Variants in ASPA observed in about 807,000 individuals in gnomAD.
ASPA encodes aspartoacylase.
A neutral mutation model predicts 29.6 loss-of-function variants in ASPA; 25 were observed. The ratio of observed to expected loss-of-function variants is 0.85; its 90% CI spans 0.62 to 1.18. The LOEUF is 1.18. Ranked by LOEUF, ASPA falls within the 50% of genes most tolerant of loss-of-function variation. The probability of loss-of-function intolerance (pLI) is 0.00; values close to 1 mark genes in which losing one functional copy is unlikely to be tolerated. For synonymous variants in ASPA, 131 were observed against 130.3 expected, an observed-to-expected ratio of 1.01 and a Z score of -0.04; for missense variants, 333 against 385.7, an observed-to-expected ratio of 0.86 and a Z score of 1.14.
In ASPA at chr17:3,498,912, C is replaced by A; in HGVS notation, c.766C>A (p.His256Asn). The A allele has an allele frequency of 1.2e-6, 2 of 1,601,536 alleles. No homozygotes were observed. ...AGAGGATCAAGACTGGAAACCACTG[C>A]ATCCTGGGGATCCCATGTTTTTAAC... ...NLQDQDWKPL[H>N]PGDPMFLTLD... Residue 256 changes from histidine (H) to asparagine (N), a missense_variant, in exon 6 of 6, where the codon CAT (histidine) becomes AAT (asparagine). Coordinates refer to ENST00000263080, the MANE Select transcript of ASPA (RefSeq NM_000049.4).
Position 3,500,184 on chromosome 17 carries a change from GAAAGAAGACAGC to G in ASPA, c.*1097_*1108del. 1 of 152,258 alleles carries G rather than the reference GAAAGAAGACAGC, an allele frequency of 6.6e-6. No individual in the cohort carries two copies. The highest frequency in any genetic ancestry group is 1.5e-5 in the Non-Finnish European group (1 of 68,080). 9.4% of individuals were successfully genotyped at this position (152,258 alleles called of 1,614,324 possible). A position where few individuals can be genotyped will look rare whatever the true frequency, so the allele number is the denominator to read the frequency against. On this transcript the variant is annotated 3_prime_UTR_variant, in exon 6 of 6. Coordinates refer to ENST00000263080, the MANE Select transcript of ASPA (RefSeq NM_000049.4). ...GAGAGGTTGGTTCACAAGGTTTAAG[GAAAGAAGACAGC>G]TCTAAAACCTACAAGTGGAAAGCGA...
At chr17:3,491,880 T>TTC (rs1555540281) in intron 4 of ASPA, among the ~76,000 whole-genome samples, 8 of 145,120 alleles carry the variant, frequency 5.5e-5, no homozygotes, top group Non-Finnish European at 7.6e-5. Context: ...TTGTTTTCTT[T>TTC]TTTTTTTTTT....
upstream of ASPA, among the ~76,000 whole-genome samples, chr17:3,474,746 A>T (rs1025461130): frequency 2.0e-5 from 3 of 152,234 alleles, no homozygotes; most frequent in African/African-American, 7.2e-5. Flanking sequence ...TTTGGTTTGT[A>T]TGCATGTTTG....
rs184419658 is a variant in ASPA at position 3,490,427 on chromosome 17, A to G, written c.634+1085A>G. Among the ~76,000 whole-genome samples the G allele has an allele frequency of 6.6e-6, 1 of 152,366 alleles. No homozygotes were observed. The highest frequency in any genetic ancestry group is 1.5e-5 in the Non-Finnish European group (1 of 68,040). On this transcript the variant is annotated intron_variant, in intron 4 of 5. Transcript: ENST00000263080. The surrounding 1 kb of genome is among the most constrained non-coding windows in gnomAD (Gnocchi z 4.6). ...ATCAAAGAGACATTCTATGTAAACA[A>G]TTATTCCAACAGACTGAGTTGAAAT...
rs997067000 is a variant in ASPA, at chr17:3,502,406, C to T, written c.*3318C>T. 6.6e-5 allele frequency: 10 copies of T among 152,050 alleles called. No individual in the cohort carries two copies. The highest frequency in any genetic ancestry group is 2.4e-4 in the African/African-American group (10 of 41,394). The allele number at this position is 152,050 out of a possible 1,614,324, so 9.4% of individuals were successfully genotyped here. On this transcript the variant is annotated 3_prime_UTR_variant, in exon 6 of 6. Coordinates refer to ENST00000263080, the MANE Select transcript of ASPA (RefSeq NM_000049.4). ...AAGGCTGAAATATCTCTGAGGTATG[C>T]CTGTAATGTATAAGTGCTAGTAGAA...
chr17:3,494,463 A>G lies in ASPA; in HGVS notation c.744+4A>G. On this transcript the variant is annotated splice_donor_region_variant and intron_variant, in intron 5 of 5. Transcript: ENST00000263080. Reference sequence around the variant, plus strand: ...TATCATCCATCCTAATCTGCAGGTAACATTTGTTCTTTCTTTAAAATGTTG... The same window carrying G: ...TATCATCCATCCTAATCTGCAGGTAGCATTTGTTCTTTCTTTAAAATGTTG... 6.3e-7 allele frequency: 1 copy of G among 1,590,306 alleles called. No homozygotes were observed.
At chr17:3,482,884 C>T (rs371357786) in intron 2 of ASPA, among the ~76,000 whole-genome samples, 1 of 150,718 alleles carries the variant, frequency 6.6e-6, no homozygotes, top group Non-Finnish European at 1.5e-5. Context: ...TGGTGTGCCG[C>T]ACCCATTAAC....
chr17:3,478,825 C>G (rs2073578474), intron 1 of ASPA, among the ~76,000 whole-genome samples: 1 of 152,142 alleles, frequency 6.6e-6, no homozygotes, highest in Non-Finnish European at 1.5e-5. Context: ...CATTATCCAC[C>G]AAGTCCCCTG....
At chr17:3,481,485 C>G in intron 1 of ASPA, 118 bp from the exon 2 acceptor site, 1 of 932,802 alleles carries the variant, frequency 1.1e-6, no homozygotes, top group Non-Finnish European at 1.6e-6. Context: ...TTACTTACCA[C>G]ACAGATTTTT....
In ASPA at chr17:3,500,253, A is replaced by G. The variant is rs915889933; in HGVS notation, c.*1165A>G. 12 of 152,398 alleles carry G rather than the reference A, an allele frequency of 7.9e-5. No individual in the cohort carries two copies. Among genetic ancestry groups the G allele is most frequent in the African/African-American group, 2.4e-4 (10 of 41,596 alleles). The allele number at this position is 152,398 out of a possible 1,614,324, so 9.4% of individuals were successfully genotyped here. ...AAGTTGCTGATGTGGAAGCTGTAGC[A>G]AGTTATCCAGAAGATGTAGCTAAAA... On this transcript the variant is annotated 3_prime_UTR_variant, in exon 6 of 6. Transcript: ENST00000263080.
In ASPA at chr17:3,494,422, A is replaced by G. The variant is rs1359684721; in HGVS notation, c.707A>G (p.Asn236Ser). ...IEKVDYPRDE[N>S]GEIAAIIHPN... ...AAAGTTGATTACCCCCGGGATGAAA[A>G]TGGAGAAATTGCTGCTATCATCCAT... The change falls in exon 5 of 6, where the codon AAT (asparagine) becomes AGT (serine). Residue 236 changes from asparagine (N) to serine (S), a missense_variant. By Grantham distance (46) the Asn-to-Ser change is conservative. Coordinates refer to ENST00000263080, the MANE Select transcript of ASPA (RefSeq NM_000049.4). 1 of 1,612,530 alleles carries G rather than the reference A, an allele frequency of 6.2e-7. No individual in the cohort carries two copies. Among genetic ancestry groups the G allele is most frequent in the East Asian group, 2.2e-5 (1 of 44,880 alleles).
Position 3,488,716 on chromosome 17 carries a change from T to G in ASPA, c.527-519T>G, listed in dbSNP as rs1012017559. Among the ~76,000 whole-genome samples, 4 of 152,134 alleles carry G rather than the reference T, an allele frequency of 2.6e-5. No homozygotes were observed. The highest frequency in any genetic ancestry group is 7.2e-5 in the African/African-American group (3 of 41,420). ...ATTGTGTTAGGATGGATTGCTAGGT[T>G]AAGGGCAAAATCATTGCTCAAGGGT... On this transcript the variant is annotated intron_variant, in intron 3 of 5. Transcript: ENST00000263080. The surrounding 1 kb of genome is among the most constrained non-coding windows in gnomAD (Gnocchi z 6.1).
At chr17:3,494,740 G>C (rs2073881979) in intron 5 of ASPA, among the ~76,000 whole-genome samples, 1 of 152,224 alleles carries the variant, frequency 6.6e-6, no homozygotes, top group South Asian at 2.1e-4. Context: ...AATGAAGACA[G>C]CCAGATGAGA....
At chr17:3,476,510 C>T (rs933785436) in intron 1 of ASPA, 115 bp downstream of exon 1, 3 of 968,694 alleles carry the variant, frequency 3.1e-6, no homozygotes, top group East Asian at 2.5e-5. Context: ...TACATGCAGT[C>T]GTATGTTGAA....
intron 4 of ASPA, among the ~76,000 whole-genome samples, chr17:3,492,952 G>C (rs934802117): frequency 2.0e-5 from 3 of 152,174 alleles, no homozygotes; most frequent in Non-Finnish European, 4.4e-5. Context: ...TAAATTCTGG[G>C]GTAGTATGTT....
chr17:3,480,752 T>G (rs1247949700), intron 1 of ASPA, among the ~76,000 whole-genome samples: 1 of 152,236 alleles, frequency 6.6e-6, no homozygotes, highest in Non-Finnish European at 1.5e-5. Context: ...GCTGTTATCA[T>G]CTTTGTTTCA....
chr17:3,485,706 A>G lies in ASPA; in HGVS notation c.526+2114A>G, dbSNP rs916511288. Among the ~76,000 whole-genome samples, 2 of 152,198 alleles carry G rather than the reference A, an allele frequency of 1.3e-5. No homozygotes were observed. The highest frequency in any genetic ancestry group is 6.5e-5 in the Admixed American group (1 of 15,280). Reference sequence around the variant, plus strand: ...CTTATCAAGACCTGTCAAAGATCTGAGAAATTTTACCCGACTTACAAGCTA... The same window carrying G: ...CTTATCAAGACCTGTCAAAGATCTGGGAAATTTTACCCGACTTACAAGCTA... On this transcript the variant is annotated intron_variant, in intron 3 of 5. Coordinates refer to ENST00000263080, the MANE Select transcript of ASPA (RefSeq NM_000049.4). The surrounding 1 kb of genome is among the most constrained non-coding windows in gnomAD (Gnocchi z 4.4).
At chr17:3,477,943 G>A (rs1339042213) in intron 1 of ASPA, among the ~76,000 whole-genome samples, 1 of 151,814 alleles carries the variant, frequency 6.6e-6, no homozygotes, top group Admixed American at 6.6e-5. Context: ...AACACTTTGG[G>A]AGGCTGAGGC....
intron 4 of ASPA, among the ~76,000 whole-genome samples, chr17:3,491,877 C>CT (rs540965896): frequency 0.088 from 10,812 of 122,966 alleles, 1,091 homozygotes; most frequent in African/African-American, 0.2. Flanking sequence ...CTTTTGTTTT[C>CT]TTTTTTTTTT....
Sources: allele counts gnomAD v4.1 joint callset (sites outside exome capture counted in the v4.1 genomes callset), GRCh38; gene constraint gnomAD v4.1.1; non-coding constraint Gnocchi (gnomAD v3.1); transcripts MANE v1.5; gene names NCBI Gene and HGNC (gene_info 2026-07-23, HGNC 2026-07-21).